PKD2L2: variants seen among roughly 807,000 people sequenced by gnomAD.
PKD2L2 encodes the protein polycystin 2 like 2, transient receptor potential cation channel.
In PKD2L2, 67 loss-of-function variants were observed where a neutral mutation model predicts 83.9. The observed-to-expected ratio is 0.80, with a 90% CI of 0.66 to 0.98. The LOEUF is 0.98. PKD2L2 is among the 50% of genes least tolerant of loss of function. The pLI is 0.00. For missense variants in PKD2L2, 632 were observed against 717.2 expected (o/e 0.88, Z 1.36); for synonymous variants, 223 against 237.8 (o/e 0.94, Z 0.57).
chr5:137,889,685 A>C (rs1308069243), intron 1 of PKD2L2, among the ~76,000 whole-genome samples, 163 bp downstream of exon 1: 1 of 152,232 alleles, frequency 6.6e-6, no homozygotes, highest in African/African-American at 2.4e-5. Flanking sequence ...AGATGGTCCC[A>C]TTGCACAGAC....
intron 8 of PKD2L2, among the ~76,000 whole-genome samples, chr5:137,911,715 TAACTA>T (rs1757853490): frequency 6.6e-6 from 1 of 152,208 alleles, no homozygotes; most frequent in Non-Finnish European, 1.5e-5. Context: ...TATACATTAT[TAACTA>T]TAGTCACCAT....
At position 137,889,465 on chromosome 5, in the gene PKD2L2, G is replaced by A. The variant is rs563780997; in HGVS notation, c.-27G>A. On this transcript the variant is annotated 5_prime_UTR_variant, in exon 1 of 15. Transcript: ENST00000508883. The stretch of plus-strand genomic sequence containing the variant: ...GCAAGCGCCGCGGCCTCAGGCGAAC[G>A]AACGGGCGGTGTAGTGCAGGTCCGC... The A allele has an allele frequency of 2.5e-6, 4 of 1,585,486 alleles. No individual in the cohort carries two copies. Among genetic ancestry groups the A allele is most frequent in the Admixed American group, 1.8e-5 (1 of 56,386 alleles).
intron 8 of PKD2L2, among the ~76,000 whole-genome samples, chr5:137,918,165 TTTTTTA>T (rs1758554114): frequency 1.3e-5 from 2 of 152,338 alleles, no homozygotes; most frequent in African/African-American, 4.8e-5. Flanking sequence ...TTTGTTCTTA[TTTTTTA>T]TTTTTATAGT....
chr5:137,927,540 A>ATC (rs1184730217), intron 12 of PKD2L2, among the ~76,000 whole-genome samples: 1 of 152,044 alleles, frequency 6.6e-6, no homozygotes, highest in African/African-American at 2.4e-5. Flanking sequence ...TAAACTTGAA[A>ATC]GAGAAACAGA....
intron 9 of PKD2L2, 151 bp downstream of exon 9, chr5:137,921,907 G>A (rs1318036809): frequency 7.8e-6 from 5 of 642,330 alleles, no homozygotes; most frequent in East Asian, 5.7e-5. Flanking sequence ...AGGTTCACTA[G>A]TCCAGTGACT....
chr5:137,932,890 G>T (rs145882075), intron 12 of PKD2L2, among the ~76,000 whole-genome samples: 2 of 152,164 alleles, frequency 1.3e-5, no homozygotes, highest in South Asian at 2.1e-4. Flanking sequence ...TCAGATTTCC[G>T]ATTAGGGATA....
intron 5 of PKD2L2, among the ~76,000 whole-genome samples, chr5:137,902,355 C>G: frequency 6.6e-6 from 1 of 152,082 alleles, no homozygotes; most frequent in Non-Finnish European, 1.5e-5. Context: ...ATGCACTCAC[C>G]TCTCCTGCCT....
intron 5 of PKD2L2, among the ~76,000 whole-genome samples, chr5:137,904,856 A>C (rs1479150459): frequency 2.0e-5 from 3 of 152,078 alleles, no homozygotes; most frequent in African/African-American, 7.2e-5. Context: ...AGTTTAGGGG[A>C]TTTTGCTCCC....
At chr5:137,901,604 T>C (rs558412081) in intron 5 of PKD2L2, among the ~76,000 whole-genome samples, 25 of 152,312 alleles carry the variant, frequency 1.6e-4, no homozygotes, top group African/African-American at 4.6e-4. Context: ...CAGCTTCCAG[T>C]CTTTTGGTTG....
intron 10 of PKD2L2, 44 bp downstream of exon 10, chr5:137,923,565 CAT>C: frequency 1.1e-6 from 1 of 884,248 alleles, no homozygotes; most frequent in South Asian, 1.3e-5. Context: ...AGACAAACCT[CAT>C]ATAGTTTATC....
chr5:137,913,165 G>A (rs1215833174), intron 8 of PKD2L2, among the ~76,000 whole-genome samples: 4 of 147,618 alleles, frequency 2.7e-5, no homozygotes, highest in African/African-American at 5.0e-5. Context: ...GTGAGCCACC[G>A]CGCCCAGCCT....
intron 6 of PKD2L2, 21 bp from the exon 7 acceptor site, chr5:137,907,721 C>T (rs1273295326): frequency 1.4e-6 from 2 of 1,392,502 alleles, no homozygotes; most frequent in Non-Finnish European, 1.9e-6. Context: ...CTAATTTAAC[C>T]CTTCTTATTT....
intron 8 of PKD2L2, among the ~76,000 whole-genome samples, chr5:137,919,048 C>T (rs1489627493): frequency 6.6e-6 from 1 of 151,516 alleles, no homozygotes; most frequent in East Asian, 1.9e-4. Context: ...ATTGCTACAC[C>T]CTCAAGTTAA....
At position 137,906,304 on chromosome 5, in the gene PKD2L2, T is replaced by C. The variant is rs1274353512; in HGVS notation, c.845T>C (p.Ile282Thr). The part of the protein sequence containing the change: ...LRYVSYYDYF[I>T]ASCEITFCIF... ...TATGTTAGCTACTATGACTATTTTA[T>C]TGCTTCCTGTGAAATCACATTCTGT... is the stretch of plus-strand genomic sequence containing the variant. Residue 282 changes from isoleucine to threonine, a missense_variant, in exon 6 of 15, where the codon ATT becomes ACT. Transcript: ENST00000508883. 7.5e-6 allele frequency: 12 copies of C among 1,609,586 alleles called. No individual in the cohort carries two copies. Among genetic ancestry groups the C allele is most frequent in the Non-Finnish European group, 1.0e-5 (12 of 1,175,978 alleles).
At chr5:137,933,062 A>AAC (rs1760013640) in intron 12 of PKD2L2, among the ~76,000 whole-genome samples, 1 of 151,576 alleles carries the variant, frequency 6.6e-6, no homozygotes, top group Non-Finnish European at 1.5e-5. Context: ...AAAAAAAAAA[A>AAC]AAAACCCACG....
chr5:137,890,952 C>G (rs940405016), intron 2 of PKD2L2, among the ~76,000 whole-genome samples: 1 of 152,142 alleles, frequency 6.6e-6, no homozygotes, highest in Non-Finnish European at 1.5e-5. Flanking sequence ...TTTCATAAAT[C>G]AAAGTACAAA....
At chr5:137,890,153 C>A (rs1321504096) in intron 1 of PKD2L2, 1 of 184,826 alleles carries the variant, frequency 5.4e-6, no homozygotes. Flanking sequence ...TGTGGTGGCG[C>A]GCGCCTGTAG....
chr5:137,895,016 G>A (rs1472456431), intron 4 of PKD2L2, among the ~76,000 whole-genome samples: 1 of 152,088 alleles, frequency 6.6e-6, no homozygotes, highest in Non-Finnish European at 1.5e-5. Flanking sequence ...TCTCATTCTG[G>A]CTTCCTTCAG....
intron 14 of PKD2L2, chr5:137,938,265 G>A (rs1198108092): frequency 6.6e-6 from 1 of 152,456 alleles, no homozygotes; most frequent in Non-Finnish European, 1.5e-5. Flanking sequence ...AAACCAGTCA[G>A]ACCACTGACT....
Sources: allele counts gnomAD v4.1 joint callset (sites outside exome capture counted in the v4.1 genomes callset), GRCh38; gene constraint gnomAD v4.1.1; transcripts MANE v1.5; gene names NCBI Gene and HGNC (gene_info 2026-07-23, HGNC 2026-07-21).